The following NFIA variants were observed in gnomAD, a reference collection of about 807,000 sequenced individuals.
The protein encoded by NFIA is nuclear factor 1 A-type.
In NFIA, 8 loss-of-function variants were observed where a neutral mutation model predicts 62.8. The ratio of observed to expected loss-of-function variants is 0.13; its 90% confidence interval spans 0.07 to 0.23. NFIA has a LOEUF of 0.23. NFIA is among the 10% of genes least tolerant of loss of function. The probability of loss-of-function intolerance (pLI) is 1.00; values close to 1 mark genes in which losing one functional copy is unlikely to be tolerated. For synonymous variants in NFIA, 235 were observed against 238.1 expected (o/e 0.99, Z 0.12); for missense variants, 410 against 642.1 (o/e 0.64, Z 3.91).
chr1:61,402,645 C>T (rs1314691696), intron 7 of NFIA, among the ~76,000 whole-genome samples: 5 of 152,096 alleles, frequency 3.3e-5, no homozygotes, highest in East Asian at 3.9e-4. Context: ...ATTGTATGAC[C>T]GATGGCAAAA....
chr1:61,153,645 T>A (rs1226346490), intron 2 of NFIA, among the ~76,000 whole-genome samples: 1 of 152,204 alleles, frequency 6.6e-6, no homozygotes, highest in Non-Finnish European at 1.5e-5. Flanking sequence ...GTTTCATGGG[T>A]AAGTGTATAG....
At chr1:61,418,437 G>A (rs1344159654) in intron 9 of NFIA, among the ~76,000 whole-genome samples, 4 of 151,984 alleles carry the variant, frequency 2.6e-5, no homozygotes, top group Middle Eastern at 3.4e-3. Context: ...TCTAGCCTGG[G>A]CAACAGAGCA....
At chr1:61,337,593 G>A (rs901337220) in intron 4 of NFIA, among the ~76,000 whole-genome samples, 1 of 152,150 alleles carries the variant, frequency 6.6e-6, no homozygotes, top group South Asian at 2.1e-4. Flanking sequence ...TAACAATGTG[G>A]TTCAGAATCA....
chr1:61,180,851 G>A (rs1054597936), intron 2 of NFIA, among the ~76,000 whole-genome samples: 5 of 152,148 alleles, frequency 3.3e-5, no homozygotes, highest in African/African-American at 1.2e-4. Flanking sequence ...GTCTGCTCAT[G>A]ATAAGAAGTC....
intron 3 of NFIA, among the ~76,000 whole-genome samples, chr1:61,308,784 A>G (rs566256035): frequency 1.9e-4 from 29 of 152,356 alleles, no homozygotes; most frequent in African/African-American, 6.5e-4. Flanking sequence ...TAAGTCTTCA[A>G]TAAATGATCA....
In NFIA at chr1:61,313,305, G is replaced by A. The variant is rs569745646; in HGVS notation, c.626-19207G>A. Among the ~76,000 whole-genome samples the A allele has an allele frequency of 3.3e-5, 5 of 152,324 alleles. No individual in the cohort carries two copies. In the South Asian group the frequency reaches 1.0e-3, roughly 32 times the overall value. ...GCTCACTGGTCTGTGGGCTGTGCAGGGAGCATGCTGCAGGCATCTGCTGGG... is the reference window on the plus strand; with the variant it reads ...GCTCACTGGTCTGTGGGCTGTGCAGAGAGCATGCTGCAGGCATCTGCTGGG... On this transcript the variant is annotated intron_variant, in intron 3 of 10. Coordinates refer to ENST00000403491, the MANE Select transcript of NFIA (RefSeq NM_001134673.4).
intron 2 of NFIA, among the ~76,000 whole-genome samples, chr1:61,192,542 A>G (rs1229714833): frequency 7.7e-6 from 1 of 129,846 alleles, no homozygotes; most frequent in Non-Finnish European, 1.6e-5. Context: ...ACTACTAAAA[A>G]TACAAAAAAA....
At chr1:61,400,357 G>T (rs1415844383) in intron 7 of NFIA, among the ~76,000 whole-genome samples, 1 of 152,198 alleles carries the variant, frequency 6.6e-6, no homozygotes, top group South Asian at 2.1e-4. Flanking sequence ...ACTCGTTAAA[G>T]TTTAAACTAG....
intron 10 of NFIA, among the ~76,000 whole-genome samples, chr1:61,448,813 A>ACTT: frequency 1.3e-5 from 2 of 152,324 alleles, no homozygotes; most frequent in South Asian, 4.1e-4. Flanking sequence ...ATGGAAAGGA[A>ACTT]GGGAGACCAA....
intron 2 of NFIA, 28 bp from the exon 3 acceptor site, chr1:61,277,491 AT>A (rs1353346331): frequency 6.2e-7 from 1 of 1,612,562 alleles, no homozygotes; most frequent in Non-Finnish European, 8.5e-7. Flanking sequence ...AGACCCTGTA[AT>A]TTTTGGCTGT....
At chr1:61,146,832 GTT>G (rs10713898) in intron 2 of NFIA, among the ~76,000 whole-genome samples, 35 of 151,898 alleles carry the variant, frequency 2.3e-4, no homozygotes, top group Non-Finnish European at 3.2e-4. Context: ...ATCTTTCATA[GTT>G]TTTTTTTTAA....
chr1:61,328,406 A>G (rs1023825629), intron 3 of NFIA, among the ~76,000 whole-genome samples: 11 of 145,494 alleles, frequency 7.6e-5, no homozygotes, highest in Admixed American at 5.7e-4. Flanking sequence ...TTTCTCCTTC[A>G]TATCATTTAT....
intron 2 of NFIA, among the ~76,000 whole-genome samples, chr1:61,107,058 T>A (rs1449524431): frequency 6.6e-6 from 1 of 151,660 alleles, no homozygotes; most frequent in African/African-American, 2.4e-5. Flanking sequence ...TTATTGTTTC[T>A]TGTGTAATAT....
At chr1:61,181,766 T>C (rs750173822) in intron 2 of NFIA, among the ~76,000 whole-genome samples, 11 of 152,120 alleles carry the variant, frequency 7.2e-5, no homozygotes, top group Non-Finnish European at 1.2e-4. Context: ...ATAAAGAAAT[T>C]CCTGTGATAG....
At chr1:61,259,446 G>A (rs540822469) in intron 2 of NFIA, among the ~76,000 whole-genome samples, 1 of 152,298 alleles carries the variant, frequency 6.6e-6, no homozygotes, top group East Asian at 1.9e-4. Flanking sequence ...CGAGCTGTGT[G>A]CCCTCAAGGG....
chr1:61,257,900 T>C (rs1334077339), intron 2 of NFIA, among the ~76,000 whole-genome samples: 2 of 135,178 alleles, frequency 1.5e-5, no homozygotes, highest in South Asian at 2.4e-4. Context: ...TTTTTTTTCC[T>C]GAGACAGGGT....
At chr1:61,155,451 A>G (rs963302656) in intron 2 of NFIA, among the ~76,000 whole-genome samples, 2 of 151,650 alleles carry the variant, frequency 1.3e-5, no homozygotes, top group Non-Finnish European at 2.9e-5. Context: ...AGGCGGGTGG[A>G]TCATGAGGTC....
rs184670308 is a variant in NFIA, at chr1:61,256,307, G to A, written c.560-21213G>A. On this transcript the variant is annotated intron_variant, in intron 2 of 10. Coordinates refer to ENST00000403491, the MANE Select transcript of NFIA (RefSeq NM_001134673.4). ...AAAAATTATCTGGGTGTGGTGGTGC[G>A]TGCCTGTAATCCCAGCTACTCAGGA... Among the ~76,000 whole-genome samples the A allele has an allele frequency of 8.3e-3, 1,268 of 151,864 alleles. 16 individuals carry two copies. Among genetic ancestry groups the A allele is most frequent in the African/African-American group, 0.029 (1,201 of 41,410 alleles).
intron 2 of NFIA, among the ~76,000 whole-genome samples, chr1:61,231,305 T>C (rs1654657044): frequency 6.6e-6 from 1 of 152,200 alleles, no homozygotes; most frequent in Non-Finnish European, 1.5e-5. Context: ...ACATATTTGA[T>C]GTCACCACTA....
Sources: gnomAD v4.1 joint callset for allele counts (sites outside exome capture counted in the v4.1 genomes callset) on GRCh38, gnomAD v4.1.1 for gene constraint, MANE v1.5 for transcripts, NCBI Gene and HGNC (gene_info 2026-07-23, HGNC 2026-07-21) for gene names.